The following LATS2 variants were observed in gnomAD, a reference collection of about 807,000 sequenced individuals.
The protein encoded by LATS2 is large tumor suppressor kinase 2, also known as serine/threonine-protein kinase LATS2.
Under a neutral mutation model 76.0 loss-of-function variants are expected in LATS2, and 24 were observed. That is an observed-to-expected ratio of 0.32 (90% CI 0.23 to 0.44). The LOEUF (loss-of-function observed/expected upper bound fraction) is 0.44. LATS2 is among the 20% of genes least tolerant of loss of function. The probability of loss-of-function intolerance (pLI) is 1.00; values close to 1 mark genes in which losing one functional copy is unlikely to be tolerated. For missense variants in LATS2, 1,286 were observed against 1,481.2 expected (o/e 0.87, Z 2.16); for synonymous variants, 692 against 635.4 (o/e 1.09, Z -1.34).
chr13:21,017,967 A>T (rs535424680), intron 2 of LATS2: 2 of 152,242 alleles, frequency 1.3e-5, no homozygotes, highest in East Asian at 3.9e-4. Context: ...CTATCCCTTC[A>T]ATTAGGTGCC....
chr13:21,015,161 A>G (rs1871751643), intron 2 of LATS2, among the ~76,000 whole-genome samples: 1 of 152,220 alleles, frequency 6.6e-6, no homozygotes, highest in Admixed American at 6.5e-5. Context: ...TAATATTTAG[A>G]TTCCTATTGA....
At chr13:21,029,378 T>C (rs565438336) in intron 2 of LATS2, among the ~76,000 whole-genome samples, 1 of 152,394 alleles carries the variant, frequency 6.6e-6, no homozygotes, top group Non-Finnish European at 1.5e-5. Context: ...ATATTGATTT[T>C]CTAATGTTTA....
At chr13:21,025,647 C>T (rs1454478037) in intron 2 of LATS2, among the ~76,000 whole-genome samples, 1 of 152,182 alleles carries the variant, frequency 6.6e-6, no homozygotes, top group Non-Finnish European at 1.5e-5. Flanking sequence ...TAGGTCTGCA[C>T]TCATTGACCC....
chr13:20,982,255 T>C (rs577804644), intron 5 of LATS2, among the ~76,000 whole-genome samples: 1 of 152,356 alleles, frequency 6.6e-6, no homozygotes, highest in East Asian at 1.9e-4. Flanking sequence ...AATGATACAC[T>C]ACATAGATGC....
chr13:21,027,746 T>C lies in LATS2; in HGVS notation c.342+17939A>G, dbSNP rs1055407328. The stretch of plus-strand genomic sequence containing the variant: ...ATTGCTTTTGCTATTCTAGGTACTT[T>C]GCAGTGCCATATGAATTCACAATCA... On this transcript the variant is annotated intron_variant, in intron 2 of 7. Transcript: ENST00000382592. Among the ~76,000 whole-genome samples the C allele has an allele frequency of 3.3e-5, 5 of 152,266 alleles. No individual in the cohort carries two copies. In the South Asian group the frequency reaches 6.2e-4, roughly 19 times the overall value.
At chr13:20,984,297 A>G (rs1870045587) in intron 4 of LATS2, among the ~76,000 whole-genome samples, 1 of 152,158 alleles carries the variant, frequency 6.6e-6, no homozygotes, top group African/African-American at 2.4e-5. Context: ...GATAAAAAAG[A>G]AAGTTCTTTC....
At chr13:21,044,952 T>C (rs1354444150) in intron 2 of LATS2, among the ~76,000 whole-genome samples, 2 of 152,052 alleles carry the variant, frequency 1.3e-5, no homozygotes, top group Non-Finnish European at 2.9e-5. Context: ...GGTCTCAAAC[T>C]CCTGGCCTCA....
chr13:20,991,186 G>A lies in LATS2; in HGVS notation c.475+86C>T. On this transcript the variant is annotated intron_variant, in intron 3 of 7. Coordinates refer to ENST00000382592, the MANE Select transcript of LATS2 (RefSeq NM_014572.3). This position sits in a 1 kb window ranked among gnomAD's most constrained non-coding sequence, Gnocchi z 4.9. Reference sequence around the variant, plus strand: ...CAGGAGACTGGCTCTGGCCAGGCCAGGCCAGGTTGGACCCCTCTGCACGTG... The same window carrying A: ...CAGGAGACTGGCTCTGGCCAGGCCAAGCCAGGTTGGACCCCTCTGCACGTG... 6.5e-7 allele frequency: 1 copy of A among 1,532,870 alleles called. No homozygotes were observed. The highest frequency in any genetic ancestry group is 2.2e-5 in the East Asian group (1 of 44,452). The allele number at this position is 1,532,870 out of a possible 1,614,324, so 95.0% of individuals were successfully genotyped here.
intron 1 of LATS2, among the ~76,000 whole-genome samples, chr13:21,050,224 G>A (rs1021411014): frequency 2.0e-5 from 3 of 151,658 alleles, no homozygotes; most frequent in Non-Finnish European, 4.4e-5. Flanking sequence ...TTTGGGGGTG[G>A]AGGGGGTAGG....
In LATS2 at chr13:21,040,425, T is replaced by A. The variant is rs1872836092; in HGVS notation, c.342+5260A>T. ...AAGAAAAAGAAAGAAATGTCTTTGC[T>A]GTGGAAGTTTGAATAGGAACAGCTC... is the stretch of plus-strand genomic sequence containing the variant. On this transcript the variant is annotated intron_variant, in intron 2 of 7. Transcript: ENST00000382592. Among the ~76,000 whole-genome samples the A allele has an allele frequency of 1.3e-5, 2 of 150,786 alleles. 1 individual carries two copies. The highest frequency in any genetic ancestry group is 4.9e-5 in the African/African-American group (2 of 40,904).
In LATS2 at chr13:21,008,027, G is replaced by C. The variant is rs112393010; in HGVS notation, c.343-16623C>G. Reference sequence around the variant, plus strand: ...ACCGACCTCAGCCTCCCAAAGTGTTGGGATCACAGGCGTGAGCCACCGTAC... The same window carrying C: ...ACCGACCTCAGCCTCCCAAAGTGTTCGGATCACAGGCGTGAGCCACCGTAC... On this transcript the variant is annotated intron_variant, in intron 2 of 7. Transcript: ENST00000382592. 3.6e-3 allele frequency among the ~76,000 whole-genome samples: 542 copies of C among 151,698 alleles called. 2 individuals carry two copies. Among genetic ancestry groups the C allele is most frequent in the African/African-American group, 0.013 (528 of 41,352 alleles).
chr13:21,046,442 G>A (rs1462499170), intron 1 of LATS2, among the ~76,000 whole-genome samples: 1 of 152,144 alleles, frequency 6.6e-6, no homozygotes, highest in Admixed American at 6.6e-5. Flanking sequence ...CCTGTAATAC[G>A]TAATCTGCAA....
chr13:20,974,776 A>T lies in LATS2; in HGVS notation c.*94T>A, dbSNP rs1302142555. On this transcript the variant is annotated 3_prime_UTR_variant, in exon 8 of 8. Coordinates refer to ENST00000382592, the MANE Select transcript of LATS2 (RefSeq NM_014572.3). ...GTAATCGACGGACTAATTTAAAACA[A>T]AACAGCCCTCGGCTTCCCTATTGGC... The T allele has an allele frequency of 1.0e-5, 14 of 1,368,070 alleles. No individual in the cohort carries two copies. Among genetic ancestry groups the T allele is most frequent in the African/African-American group, 1.5e-5 (1 of 68,748 alleles). The allele number at this position is 1,368,070 out of a possible 1,614,324, so 84.7% of individuals were successfully genotyped here.
Position 20,989,089 on chromosome 13 carries a change from G to C in LATS2, c.691C>G (p.Pro231Ala). The part of the protein sequence containing the change: ...PHGPGHQHQH[P>A]PKGYGASVEA... ...ACGCTGGCACCGTAGCCCTTGGGTG[G>C]GTGCTGGTGCTGGTGGCCGGGCCCG... The change falls in exon 4 of 8, where the codon CCA becomes GCA. Residue 231 changes from proline (P) to alanine (A), a missense_variant. This residue lies in a region of LATS2 where 710 missense variants were observed against 660.9 expected (regional missense o/e 1.07). Transcript: ENST00000382592. 6.3e-7 allele frequency: 1 copy of C among 1,597,358 alleles called. No individual in the cohort carries two copies. Among genetic ancestry groups the C allele is most frequent in the Non-Finnish European group, 8.5e-7 (1 of 1,173,934 alleles).
chr13:20,988,867 G>A lies in LATS2; in HGVS notation c.913C>T (p.Pro305Ser), dbSNP rs1186639455. ...GGPPGAGLAF[P>S]PPAAGLYVPH... The stretch of plus-strand genomic sequence containing the variant: ...ACGTAGAGCCCGGCGGCAGGGGGTG[G>A]GAAAGCGAGGCCGGCGCCTGGCGGT... Residue 305 changes from proline (P) to serine (S), a missense_variant, in exon 4 of 8, where the codon CCA becomes TCA. Physicochemically the swap from Pro to Ser is moderately conservative, Grantham distance 74. This residue lies in a region of LATS2 where 710 missense variants were observed against 660.9 expected (regional missense o/e 1.07). Coordinates refer to ENST00000382592, the MANE Select transcript of LATS2 (RefSeq NM_014572.3). The A allele has an allele frequency of 6.3e-7, 1 of 1,577,344 alleles. No homozygotes were observed. Among genetic ancestry groups the A allele is most frequent in the East Asian group, 2.3e-5 (1 of 43,762 alleles).
At chr13:21,001,713 A>T (rs1871045316) in intron 2 of LATS2, among the ~76,000 whole-genome samples, 1 of 151,956 alleles carries the variant, frequency 6.6e-6, no homozygotes. Flanking sequence ...CAACCCACAG[A>T]GCCATAAGAA....
intron 2 of LATS2, among the ~76,000 whole-genome samples, chr13:21,008,320 A>G (rs1039641842): frequency 5.3e-5 from 8 of 150,338 alleles, no homozygotes; most frequent in Non-Finnish European, 1.2e-4. Flanking sequence ...GCTCCAGACT[A>G]CAGCCTTGGG....
intron 2 of LATS2, among the ~76,000 whole-genome samples, chr13:21,017,008 A>G (rs1871826759): frequency 6.6e-6 from 1 of 152,220 alleles, no homozygotes; most frequent in Non-Finnish European, 1.5e-5. Flanking sequence ...AACATTCATA[A>G]CAACTCCCAC....
At chr13:20,987,348 TTTTAA>T (rs1168229673) in intron 4 of LATS2, among the ~76,000 whole-genome samples, 1 of 152,248 alleles carries the variant, frequency 6.6e-6, no homozygotes, top group Non-Finnish European at 1.5e-5. Context: ...ATCTGTTACA[TTTTAA>T]TTTAAATAGT....
Sources: allele counts gnomAD v4.1 joint callset (sites outside exome capture counted in the v4.1 genomes callset), GRCh38; gene constraint gnomAD v4.1.1; regional missense constraint gnomAD v4.1.1; non-coding constraint Gnocchi (gnomAD v3.1); transcripts MANE v1.5; gene names NCBI Gene and HGNC (gene_info 2026-07-23, HGNC 2026-07-21).